Variants in ANKRD17 observed in about 807,000 individuals in gnomAD.
ANKRD17 encodes the protein ankyrin repeat domain 17, also known as ankyrin repeat domain-containing protein 17.
A neutral mutation model predicts 229.7 loss-of-function variants in ANKRD17; 19 were observed. The ratio of observed to expected loss-of-function variants is 0.08; its 90% confidence interval spans 0.06 to 0.12. The LOEUF (loss-of-function observed/expected upper bound fraction) is 0.12, where lower values mean the gene tolerates loss of function less well. Ranked by LOEUF, ANKRD17 falls within the 10% of genes least tolerant of loss-of-function variation. ANKRD17 has a pLI of 1.00. For missense variants in ANKRD17, 2,176 were observed against 3,176.8 expected (o/e 0.68, Z 7.57); for synonymous variants, 1,112 against 1,146.1 (o/e 0.97, Z 0.60).
chr4:73,076,014 A>T lies in ANKRD17; in HGVS notation c.*217T>A. The T allele has an allele frequency of 2.4e-6, 1 of 418,584 alleles. No individual in the cohort carries two copies. The allele number at this position is 418,584 out of a possible 1,614,324, so 25.9% of individuals were successfully genotyped here. On this transcript the variant is annotated 3_prime_UTR_variant, in exon 34 of 34. Coordinates refer to ENST00000358602, the MANE Select transcript of ANKRD17 (RefSeq NM_032217.5). ...GGGAAAGAAAAAAAGAAAAATGATA[A>T]GAAAAATGCTAACTAAGGTAAAACG...
At chr4:73,089,342 TA>T (rs926230063) in intron 29 of ANKRD17, among the ~76,000 whole-genome samples, 42 of 150,256 alleles carry the variant, frequency 2.8e-4, no homozygotes, top group South Asian at 1.9e-3. Flanking sequence ...AGCCTATTCT[TA>T]AAAAAAAAAA....
chr4:73,111,099 C>T (rs1451448153), intron 24 of ANKRD17, among the ~76,000 whole-genome samples: 1 of 152,176 alleles, frequency 6.6e-6, no homozygotes, highest in Non-Finnish European at 1.5e-5. Context: ...TGAGTAAGTA[C>T]ATTCCAAGAT....
chr4:73,148,421 G>A (rs78605179), intron 8 of ANKRD17, among the ~76,000 whole-genome samples: 1,684 of 152,244 alleles, frequency 0.011, 32 homozygotes, highest in African/African-American at 0.039. Context: ...TTACTGCGTG[G>A]TTTCCCATAC....
At chr4:73,079,970 G>A (rs1305825959) in intron 30 of ANKRD17, among the ~76,000 whole-genome samples, 1 of 152,086 alleles carries the variant, frequency 6.6e-6, no homozygotes, top group African/African-American at 2.4e-5. Flanking sequence ...GCCGGGCGTG[G>A]TGGCACGCGC....
chr4:73,171,521 T>C (rs942386708), intron 2 of ANKRD17, among the ~76,000 whole-genome samples: 1 of 152,114 alleles, frequency 6.6e-6, no homozygotes, highest in African/African-American at 2.4e-5. Flanking sequence ...AACAAACATC[T>C]GCAAGGATCA....
intron 1 of ANKRD17, among the ~76,000 whole-genome samples, chr4:73,229,567 CAT>C (rs779660619): frequency 1.1e-4 from 17 of 150,818 alleles, no homozygotes; most frequent in Non-Finnish European, 2.5e-4. Flanking sequence ...AAAAAAAACA[CAT>C]AAATTCTCCA....
chr4:73,219,960 T>C (rs544005655), intron 1 of ANKRD17, among the ~76,000 whole-genome samples: 3 of 152,218 alleles, frequency 2.0e-5, no homozygotes, highest in African/African-American at 7.2e-5. Context: ...TTATAAATAA[T>C]AACACTAAAT....
intron 1 of ANKRD17, among the ~76,000 whole-genome samples, chr4:73,244,970 A>G (rs1462846791): frequency 1.3e-5 from 2 of 152,140 alleles, no homozygotes; most frequent in Admixed American, 1.3e-4. Context: ...AAGATCAACA[A>G]GAAAGATCAA....
chr4:73,223,102 CA>C, intron 1 of ANKRD17: 1 of 1,477,698 alleles, frequency 6.8e-7, no homozygotes, highest in Non-Finnish European at 9.1e-7. Context: ...TCTGTGTCAG[CA>C]AGGGAACAGG....
chr4:73,229,863 A>G (rs2149237004), intron 1 of ANKRD17, among the ~76,000 whole-genome samples: 2 of 152,274 alleles, frequency 1.3e-5, no homozygotes, highest in Admixed American at 1.3e-4. Context: ...TATTCTCACT[A>G]AATAAAATAC....
In ANKRD17 at chr4:73,090,781, T is replaced by C. The variant is rs772867509; in HGVS notation, c.6847A>G (p.Met2283Val). 45 of 1,614,062 alleles carry C rather than the reference T, an allele frequency of 2.8e-5. No homozygotes were observed. The highest frequency in any genetic ancestry group is 2.5e-4 in the Admixed American group (15 of 59,998). Residue 2283 changes from methionine (M) to valine (V), a missense_variant, in exon 29 of 34, where the codon ATG (methionine) becomes GTG (valine). Met to Val is a conservative substitution (Grantham distance 21, BLOSUM62 1). Around this residue, in one of 18 missense-constraint regions of ANKRD17, gnomAD observed 424 missense variants for 454.0 expected, o/e 0.93. Transcript: ENST00000358602. ...VVSSQSTPESMLSGKSSYLPN... is the reference protein window; with the variant it reads ...VVSSQSTPESVLSGKSSYLPN... ...AAATATGAGGATTTTCCTGATAGCA[T>C]AGATTCTGGTGTTGACTGAGATGAA...
intron 30 of ANKRD17, among the ~76,000 whole-genome samples, chr4:73,081,172 G>A (rs1257916941): frequency 6.6e-6 from 1 of 152,208 alleles, no homozygotes; most frequent in Non-Finnish European, 1.5e-5. Flanking sequence ...GAACATATGA[G>A]CTGAGCCAAT....
chr4:73,085,441 C>A lies in ANKRD17; in HGVS notation c.6967G>T (p.Val2323Phe). Residue 2323 changes from valine (V) to phenylalanine (F), a missense_variant, in exon 30 of 34, where the codon GTC becomes TTC. By Grantham distance (50) the Val-to-Phe change is conservative. Around this residue, in one of 18 missense-constraint regions of ANKRD17, gnomAD observed 424 missense variants for 454.0 expected, o/e 0.93. Transcript: ENST00000358602. ...QRPAPSPSGI[V>F]NMDSPYGSVT... ...GAACCATATGGCGAGTCCATATTGA[C>A]AATACCTATAATGTAGAAGGTCATC... 1 of 1,612,326 alleles carries A rather than the reference C, an allele frequency of 6.2e-7. No homozygotes were observed. The highest frequency in any genetic ancestry group is 8.5e-7 in the Non-Finnish European group (1 of 1,178,426).
chr4:73,206,826 AT>A (rs372858865), intron 1 of ANKRD17, among the ~76,000 whole-genome samples: 16 of 151,706 alleles, frequency 1.1e-4, no homozygotes, highest in African/African-American at 2.7e-4. Context: ...AAGAGAATAG[AT>A]TTTTTTTTCC....
At chr4:73,088,110 T>A (rs906153953) in intron 29 of ANKRD17, among the ~76,000 whole-genome samples, 8 of 152,180 alleles carry the variant, frequency 5.3e-5, no homozygotes, top group African/African-American at 1.9e-4. Flanking sequence ...GATCTTTATG[T>A]GACTTAAATA....
intron 1 of ANKRD17, among the ~76,000 whole-genome samples, chr4:73,241,628 C>T (rs1334766716): frequency 2.6e-5 from 4 of 151,922 alleles, no homozygotes; most frequent in African/African-American, 9.7e-5. Context: ...AGGTTAAAAA[C>T]ACAACATATA....
At chr4:73,182,906 C>T (rs1171821823) in intron 1 of ANKRD17, among the ~76,000 whole-genome samples, 1 of 152,184 alleles carries the variant, frequency 6.6e-6, no homozygotes, top group Non-Finnish European at 1.5e-5. Flanking sequence ...GTTAGCAACA[C>T]TCCTTCAGGT....
intron 30 of ANKRD17, among the ~76,000 whole-genome samples, chr4:73,084,993 C>A (rs1435803697): frequency 6.6e-6 from 1 of 151,790 alleles, no homozygotes; most frequent in African/African-American, 2.4e-5. Context: ...CCAGCGAGGG[C>A]AACACAGTGA....
chr4:73,127,112 A>T, intron 16 of ANKRD17, among the ~76,000 whole-genome samples: 1 of 152,228 alleles, frequency 6.6e-6, no homozygotes, highest in East Asian at 1.9e-4. Context: ...CTAGATACAA[A>T]TTGAGTATTT....
Sources: allele counts gnomAD v4.1 joint callset (sites outside exome capture counted in the v4.1 genomes callset), GRCh38; gene constraint gnomAD v4.1.1; regional missense constraint gnomAD v4.1.1; transcripts MANE v1.5; gene names NCBI Gene and HGNC (gene_info 2026-07-23, HGNC 2026-07-21).